RLBP1: variants seen among roughly 807,000 people sequenced by gnomAD.
RLBP1 encodes the protein retinaldehyde-binding protein 1.
A neutral mutation model predicts 36.2 loss-of-function variants in RLBP1; 26 were observed. That is an observed-to-expected ratio of 0.72 (90% CI 0.53 to 1.00). RLBP1 has a LOEUF of 1.00. Ranked by LOEUF, RLBP1 falls within the 50% of genes least tolerant of loss-of-function variation. The pLI is 0.00. For synonymous variants in RLBP1, 155 were observed against 156.2 expected (o/e 0.99, Z 0.06); for missense variants, 410 against 402.4 (o/e 1.02, Z -0.16).
Position 89,217,111 on chromosome 15 carries a change from TGGCCTC to T in RLBP1, c.346+3_346+8del, listed in dbSNP as rs56307321. On this transcript the variant is annotated splice_donor_5th_base_variant and intron_variant, in intron 5 of 8. Coordinates refer to ENST00000268125, the MANE Select transcript of RLBP1 (RefSeq NM_000326.5). ...TTCCCAGGGCCGTCCCTCCAAGCAC[TGGCCTC>T]ACCTCTGAGCAGCTCATAGGCACGG... 18,460 of 1,613,626 alleles carry T rather than the reference TGGCCTC, an allele frequency of 0.011. 125 individuals carry two copies. The highest frequency in any genetic ancestry group is 0.013 in the Non-Finnish European group (15,591 of 1,179,808).
chr15:89,216,667 G>A (rs564066623), intron 5 of RLBP1, among the ~76,000 whole-genome samples: 20 of 152,194 alleles, frequency 1.3e-4, no homozygotes, highest in Non-Finnish European at 2.4e-4. Context: ...AGCAGTGCCA[G>A]AGCGGTTCTG....
chr15:89,215,207 C>T lies in RLBP1; in HGVS notation c.378G>A (p.Glu126=). 2 of 1,614,162 alleles carry T rather than the reference C, an allele frequency of 1.2e-6. No homozygotes were observed. The highest frequency in any genetic ancestry group is 2.2e-5 in the South Asian group (2 of 91,082). ...GYVNFRLQYP[E]LFDSLSPEAV... ...CCTCTGGGGACAGGCTGTCAAAGAG[C>T]TCAGGGTACTGCAGCCGGAAATTCA... The change falls in exon 6 of 9, where the codon GAG becomes GAA. Residue 126 remains glutamate, a synonymous_variant. Coordinates refer to ENST00000268125, the MANE Select transcript of RLBP1 (RefSeq NM_000326.5).
chr15:89,210,582 T>A lies in RLBP1; in HGVS notation c.795+117A>T. ...CGACACCTCTCTCCGCAGGTCTCCA[T>A]GTTGGGTGTCAGTGGGATCCACATA... is the stretch of plus-strand genomic sequence containing the variant. On this transcript the variant is annotated intron_variant, in intron 8 of 8. Transcript: ENST00000268125. The surrounding 1 kb of genome is among the most constrained non-coding windows in gnomAD (Gnocchi z 4.7). 8.1e-7 allele frequency: 1 copy of A among 1,241,126 alleles called. No homozygotes were observed. Among genetic ancestry groups the A allele is most frequent in the Non-Finnish European group, 1.2e-6 (1 of 859,304 alleles). The allele number at this position is 1,241,126 out of a possible 1,614,324, so 76.9% of individuals were successfully genotyped here.
rs538540840 is a variant in RLBP1 at position 89,212,828 on chromosome 15, A to C, written c.526-927T>G. ...ACTGCAACCTCTGCCTCACAGGTTC[A>C]AGCGATTCCCCTGCCTCAGTCTCCC... On this transcript the variant is annotated intron_variant, in intron 6 of 8. Transcript: ENST00000268125. Among the ~76,000 whole-genome samples the C allele has an allele frequency of 2.0e-5, 3 of 151,858 alleles. No individual in the cohort carries two copies. In the East Asian group the frequency reaches 5.9e-4, roughly 30 times the overall value.
Position 89,214,508 on chromosome 15 carries a change from T to A in RLBP1, c.525+552A>T, listed in dbSNP as rs948386311. On this transcript the variant is annotated intron_variant, in intron 6 of 8. Coordinates refer to ENST00000268125, the MANE Select transcript of RLBP1 (RefSeq NM_000326.5). This position sits in a 1 kb window ranked among gnomAD's most constrained non-coding sequence, Gnocchi z 4.6. ...AATAAGTTTGTAGCAGTTTTTTTTT[T>A]AAATTAAAGGAATCTTTTTCAGGCT... 3.9e-5 allele frequency among the ~76,000 whole-genome samples: 6 copies of A among 152,012 alleles called. No individual in the cohort carries two copies. Among genetic ancestry groups the A allele is most frequent in the South Asian group, 2.1e-4 (1 of 4,804 alleles).
At position 89,218,325 on chromosome 15, in the gene RLBP1, C is replaced by T. The variant is rs983353529; in HGVS notation, c.141+240G>A. Among the ~76,000 whole-genome samples the T allele has an allele frequency of 6.6e-6, 1 of 152,146 alleles. No homozygotes were observed. The highest frequency in any genetic ancestry group is 1.5e-5 in the Non-Finnish European group (1 of 68,024). On this transcript the variant is annotated intron_variant, in intron 4 of 8. Transcript: ENST00000268125. This position sits in a 1 kb window ranked among gnomAD's most constrained non-coding sequence, Gnocchi z 4.6. ...TCATATTGAGTCTAGTTTAGAGGGC[C>T]CTAGTTCCGAGGCTCTGGGCTGTAG...
chr15:89,216,312 C>G (rs1295774433), intron 5 of RLBP1, among the ~76,000 whole-genome samples: 2 of 149,072 alleles, frequency 1.3e-5, no homozygotes, highest in African/African-American at 2.5e-5. Flanking sequence ...GGAACCACCC[C>G]CTTTTTTTTT....
chr15:89,218,650 C>T lies in RLBP1; in HGVS notation c.56G>A (p.Arg19His), dbSNP rs375609386. 13 of 1,614,100 alleles carry T rather than the reference C, an allele frequency of 8.1e-6. No homozygotes were observed. The highest frequency in any genetic ancestry group is 1.6e-4 in the Middle Eastern group (1 of 6,084). The change falls in exon 4 of 9, where the codon CGT becomes CAT. Residue 19 changes from arginine to histidine, a missense_variant. Physicochemically the swap from Arg to His is conservative, Grantham distance 29 (BLOSUM62 0). Coordinates refer to ENST00000268125, the MANE Select transcript of RLBP1 (RefSeq NM_000326.5). The surrounding 1 kb of genome is among the most constrained non-coding windows in gnomAD (Gnocchi z 4.6). Reference protein sequence around the residue: ...RMVPEEEQELRAQLEQLTTKD... With the variant: ...RMVPEEEQELHAQLEQLTTKD... Reference sequence around the variant, plus strand: ...GGTTGTGAGCTGCTCCAGTTGGGCACGGAGCTCCTGTTCCTCTTCAGGTAC... The same window carrying T: ...GGTTGTGAGCTGCTCCAGTTGGGCATGGAGCTCCTGTTCCTCTTCAGGTAC...
rs558207114 is a variant in RLBP1, at chr15:89,214,995, T to C, written c.525+65A>G. ...TGGAGAACCAGGAATGAGGGCCCAGTAGAGGCCAGGGTTGAGGGAGGGAAC... is the reference window on the plus strand; with the variant it reads ...TGGAGAACCAGGAATGAGGGCCCAGCAGAGGCCAGGGTTGAGGGAGGGAAC... On this transcript the variant is annotated intron_variant, in intron 6 of 8. Transcript: ENST00000268125. This position sits in a 1 kb window ranked among gnomAD's most constrained non-coding sequence, Gnocchi z 4.6. 562 of 1,543,096 alleles carry C rather than the reference T, an allele frequency of 3.6e-4. No individual in the cohort carries two copies. Among genetic ancestry groups the C allele is most frequent in the Middle Eastern group, 3.1e-3 (18 of 5,832 alleles).
In RLBP1 at chr15:89,210,222, G is replaced by A. The variant is rs2051524928; in HGVS notation, c.*63C>T. 6.3e-7 allele frequency: 1 copy of A among 1,593,012 alleles called. No individual in the cohort carries two copies. The highest frequency in any genetic ancestry group is 1.7e-5 in the Admixed American group (1 of 59,978). On this transcript the variant is annotated 3_prime_UTR_variant, in exon 9 of 9. Transcript: ENST00000268125. The surrounding 1 kb of genome is among the most constrained non-coding windows in gnomAD (Gnocchi z 4.7). ...TCAAGCAGCCCTTTCCTAGCCTTGG[G>A]TCCAGGACAGTTGAGGAGAGGCCCA...
chr15:89,220,050 A>C (rs2051614231), intron 1 of RLBP1, among the ~76,000 whole-genome samples, 191 bp from the exon 2 acceptor site: 1 of 152,152 alleles, frequency 6.6e-6, no homozygotes, highest in Admixed American at 6.5e-5. Flanking sequence ...AGAACCCTTC[A>C]CCATCCTGCT....
At chr15:89,212,167 T>C (rs1308098384) in intron 6 of RLBP1, among the ~76,000 whole-genome samples, 1 of 152,196 alleles carries the variant, frequency 6.6e-6, no homozygotes, top group African/African-American at 2.4e-5. Flanking sequence ...TGGGAACTGG[T>C]GAAATTATGG....
chr15:89,210,740 T>G lies in RLBP1; in HGVS notation c.754A>C (p.Asn252His). The G allele has an allele frequency of 6.2e-7, 1 of 1,603,226 alleles. No individual in the cohort carries two copies. The highest frequency in any genetic ancestry group is 1.3e-5 in the African/African-American group (1 of 74,880). The change falls in exon 8 of 9, where the codon AAT (asparagine) becomes CAT (histidine). Residue 252 changes from asparagine (N) to histidine (H), a missense_variant. By Grantham distance (68) the Asn-to-His change is moderately conservative. Transcript: ENST00000268125. This position sits in a 1 kb window ranked among gnomAD's most constrained non-coding sequence, Gnocchi z 4.7. ...HQPWYFTTTY[N>H]VVKPFLKSKL... ...CTCTTCAAGAAGGGCTTGACCACATTGTAGGTCGTGGTGAAGTACCATGGC... is the reference window on the plus strand; with the variant it reads ...CTCTTCAAGAAGGGCTTGACCACATGGTAGGTCGTGGTGAAGTACCATGGC...
At chr15:89,220,990 A>G (rs2051621521) in intron 1 of RLBP1, among the ~76,000 whole-genome samples, 1 of 151,224 alleles carries the variant, frequency 6.6e-6, no homozygotes, top group Non-Finnish European at 1.5e-5. Flanking sequence ...CAGAATGCCC[A>G]GTTAAATGTG....
chr15:89,215,146 C>A lies in RLBP1; in HGVS notation c.439G>T (p.Val147Phe), dbSNP rs752015825. Residue 147 changes from valine (V) to phenylalanine (F), a missense_variant, in exon 6 of 9, where the codon GTC becomes TTC. Coordinates refer to ENST00000268125, the MANE Select transcript of RLBP1 (RefSeq NM_000326.5). The part of the protein sequence containing the change: ...RCTIEAGYPG[V>F]LSSRDKYGRV... ...CCATACTTGTCCCGACTAGAGAGGA[C>A]ACCAGGGTAGCCAGCTTCAATGGTG... 1.2e-6 allele frequency: 2 copies of A among 1,614,254 alleles called. No individual in the cohort carries two copies. Among genetic ancestry groups the A allele is most frequent in the South Asian group, 2.2e-5 (2 of 91,090 alleles).
In RLBP1 at chr15:89,211,788, AGCAG is replaced by A; in HGVS notation, c.635_638del (p.Ala212ValfsTer46). 1 of 1,614,184 alleles carries A rather than the reference AGCAG, an allele frequency of 6.2e-7. No homozygotes were observed. Among genetic ancestry groups the A allele is most frequent in the Admixed American group, 1.7e-5 (1 of 60,032 alleles). On this transcript the variant is annotated frameshift_variant, in exon 7 of 9. Transcript: ENST00000268125. LOFTEE classifies it high-confidence loss of function. This position sits in a 1 kb window ranked among gnomAD's most constrained non-coding sequence, Gnocchi z 5.8. ...TCCTGAGATCTGAAGTCCGGAGACT[AGCAG>A]CCTGCTGCATGGTAAAGCCCTTGAA...
Position 89,211,958 on chromosome 15 carries a change from G to C in RLBP1, c.526-57C>G, listed in dbSNP as rs1176585284. On this transcript the variant is annotated intron_variant, in intron 6 of 8. Coordinates refer to ENST00000268125, the MANE Select transcript of RLBP1 (RefSeq NM_000326.5). This position sits in a 1 kb window ranked among gnomAD's most constrained non-coding sequence, Gnocchi z 5.8. ...TAACCCGCAACAATAATTAAGGCTT[G>C]AGGTCCTGAGGGGAGAGCTAATTGG... 6.3e-7 allele frequency: 1 copy of C among 1,579,386 alleles called. No homozygotes were observed. Among genetic ancestry groups the C allele is most frequent in the Non-Finnish European group, 8.7e-7 (1 of 1,151,736 alleles).
rs1303148730 is a variant in RLBP1 at position 89,210,635 on chromosome 15, G to A, written c.795+64C>T. 2 of 1,309,820 alleles carry A rather than the reference G, an allele frequency of 1.5e-6. No individual in the cohort carries two copies. Among genetic ancestry groups the A allele is most frequent in the African/African-American group, 2.9e-5 (2 of 68,442 alleles). The allele number at this position is 1,309,820 out of a possible 1,614,324, so 81.1% of individuals were successfully genotyped here. A position where few individuals can be genotyped will look rare whatever the true frequency, so the allele number is the denominator to read the frequency against. On this transcript the variant is annotated intron_variant, in intron 8 of 8. Transcript: ENST00000268125. This position sits in a 1 kb window ranked among gnomAD's most constrained non-coding sequence, Gnocchi z 4.7. Reference sequence around the variant, plus strand: ...TCAGGACCATGGTAGAGTGTGAGGAGGGCTCAGGTGAGGCCCCACCCTCAG... The same window carrying A: ...TCAGGACCATGGTAGAGTGTGAGGAAGGCTCAGGTGAGGCCCCACCCTCAG...
chr15:89,210,610 T>C lies in RLBP1; in HGVS notation c.795+89A>G, dbSNP rs2051529405. 4.8e-6 allele frequency: 6 copies of C among 1,256,720 alleles called. No individual in the cohort carries two copies. The East Asian group carries it at 1.5e-4, about 31-fold the overall frequency. 77.8% of individuals were successfully genotyped at this position (1,256,720 alleles called of 1,614,324 possible). ...TGGGTGTCAGTGGGATCCACATAGC[T>C]CAGGACCATGGTAGAGTGTGAGGAG... On this transcript the variant is annotated intron_variant, in intron 8 of 8. Transcript: ENST00000268125. This position sits in a 1 kb window ranked among gnomAD's most constrained non-coding sequence, Gnocchi z 4.7.
Sources: allele counts gnomAD v4.1 joint callset (sites outside exome capture counted in the v4.1 genomes callset), GRCh38; gene constraint gnomAD v4.1.1; non-coding constraint Gnocchi (gnomAD v3.1); transcripts MANE v1.5; gene names NCBI Gene and HGNC (gene_info 2026-07-23, HGNC 2026-07-21).